Variants in ANTXRL observed in about 807,000 individuals in gnomAD.
ANTXRL encodes anthrax toxin receptor-like.
A neutral mutation model predicts 75.4 loss-of-function variants in ANTXRL; 63 were observed. That is an observed-to-expected ratio of 0.84 (90% confidence interval 0.68 to 1.03). The LOEUF is 1.03. Ranked by LOEUF, ANTXRL falls within the 50% of genes least tolerant of loss-of-function variation. ANTXRL has a pLI of 0.00. For missense variants in ANTXRL, 797 were observed against 789.4 expected, an observed-to-expected ratio of 1.01 and a Z score of -0.12; for synonymous variants, 335 against 291.3, an observed-to-expected ratio of 1.15 and a Z score of -1.53.
intron 7 of ANTXRL, 61 bp from the exon 8 acceptor site, chr10:46,297,770 C>A: frequency 2.8e-6 from 4 of 1,404,022 alleles, no homozygotes; most frequent in Middle Eastern, 1.9e-4. Context: ...TCTCCTGGGC[C>A]GGGGGTCTGC....
rs782283914 is a variant in ANTXRL at position 46,293,833 on chromosome 10, A to G, written c.325A>G (p.Asn109Asp). The change falls in exon 3 of 17, where the codon AAT becomes GAT. Residue 109 changes from asparagine (N) to aspartate (D), a missense_variant. Around this residue, in one of 3 missense-constraint regions of ANTXRL, gnomAD observed 262 missense variants for 271.9 expected, o/e 0.96. Transcript: ENST00000620264. ...CAGCACATGATTCCTTCACAGCCCA[A>G]ATATTCGGATGTGCTTCATCACCTA... ...EETVARFQSP[N>D]IRMCFITYST... The G allele has an allele frequency of 8.5e-6, 13 of 1,535,462 alleles. No homozygotes were observed. Among genetic ancestry groups the G allele is most frequent in the African/African-American group, 6.9e-5 (5 of 72,956 alleles).
At chr10:46,313,029 GT>G (rs2132833491) in intron 15 of ANTXRL, among the ~76,000 whole-genome samples, 1 of 152,278 alleles carries the variant, frequency 6.6e-6, no homozygotes, top group East Asian at 1.9e-4. Flanking sequence ...GCAAAATACT[GT>G]TTTGTTCTAG....
At chr10:46,292,213 T>G in intron 2 of ANTXRL, 84 bp downstream of exon 2, 1 of 1,360,452 alleles carries the variant, frequency 7.4e-7, no homozygotes, top group Non-Finnish European at 1.0e-6. Flanking sequence ...TCCCATCAGA[T>G]GGGGTGGGCG....
intron 16 of ANTXRL, among the ~76,000 whole-genome samples, chr10:46,324,702 C>T (rs1416588659): frequency 6.6e-6 from 1 of 152,104 alleles, no homozygotes; most frequent in African/African-American, 2.4e-5. Context: ...GGAAGAGACC[C>T]ATAAATATTC....
In ANTXRL at chr10:46,297,263, A is replaced by C; in HGVS notation, c.520A>C (p.Ser174Arg). ...TGCTTCTTCTACAGACAAGGTTCCC[A>C]GCATGATTATTGCTATGACTGATGG... is the stretch of plus-strand genomic sequence containing the variant. ...ESFNSGNKVP[S>R]MIIAMTDGEL... The change falls in exon 6 of 17, where the codon AGC becomes CGC. Residue 174 changes from serine (S) to arginine (R), a missense_variant. By Grantham distance (110) the Ser-to-Arg change is moderately radical. Coordinates refer to ENST00000620264, the MANE Select transcript of ANTXRL (RefSeq NM_001278688.3). The C allele has an allele frequency of 6.5e-7, 1 of 1,536,484 alleles. No homozygotes were observed. The highest frequency in any genetic ancestry group is 8.7e-7 in the Non-Finnish European group (1 of 1,146,856).
At chr10:46,307,940 C>T (rs1308086143) in intron 12 of ANTXRL, among the ~76,000 whole-genome samples, 3 of 152,104 alleles carry the variant, frequency 2.0e-5, no homozygotes, top group African/African-American at 7.2e-5. Flanking sequence ...GTAGTATGTC[C>T]CCTCCTGCTG....
intron 5 of ANTXRL, among the ~76,000 whole-genome samples, chr10:46,296,755 G>T (rs1837402979): frequency 6.6e-6 from 1 of 152,142 alleles, no homozygotes; most frequent in Non-Finnish European, 1.5e-5. Context: ...CCCTGCCCAG[G>T]TGCCACTGGC....
intron 5 of ANTXRL, among the ~76,000 whole-genome samples, chr10:46,296,600 C>T (rs1440516282): frequency 3.3e-5 from 5 of 152,166 alleles, no homozygotes; most frequent in South Asian, 2.1e-4. Flanking sequence ...GTCTTCCCTC[C>T]GAGTGACTTG....
At chr10:46,293,555 G>GTGT (rs374100434) in intron 2 of ANTXRL, among the ~76,000 whole-genome samples, 1 of 54,804 alleles carries the variant, frequency 1.8e-5, no homozygotes, top group African/African-American at 7.1e-5. Flanking sequence ...ATATGTGTGT[G>GTGT]AGTGTGTGCC....
chr10:46,293,512 T>G (rs1262168213), intron 2 of ANTXRL, among the ~76,000 whole-genome samples: 1 of 118,074 alleles, frequency 8.5e-6, no homozygotes, highest in Non-Finnish European at 1.9e-5. Flanking sequence ...TGCACCTGTG[T>G]GTGTGTGTGC....
rs1337513173 is a variant in ANTXRL, at chr10:46,311,633, TGC to T, written c.1298_1299del (p.Cys433SerfsTer18). 8.0e-7 allele frequency: 1 copy of T among 1,251,170 alleles called. No individual in the cohort carries two copies. The highest frequency in any genetic ancestry group is 1.1e-6 in the Non-Finnish European group (1 of 886,642). 77.5% of individuals were successfully genotyped at this position (1,251,170 alleles called of 1,614,324 possible). On this transcript the variant is annotated frameshift_variant, in exon 15 of 17. Coordinates refer to ENST00000620264, the MANE Select transcript of ANTXRL (RefSeq NM_001278688.3). LOFTEE classifies it high-confidence loss of function. ...CPTVIICCCGCQGVGGMRRIE... is the reference protein window; with the variant it reads ...CPTVIICCCGXQGVGGMRRIE... ...CACTGTGATTATTTGTTGCTGTGGA[TGC>T]CAAGGAGTGGGCGGGATGAGAAGGA... is the stretch of plus-strand genomic sequence containing the variant.
chr10:46,292,249 G>A, intron 2 of ANTXRL, 120 bp downstream of exon 2: 1 of 917,758 alleles, frequency 1.1e-6, no homozygotes, highest in Non-Finnish European at 1.7e-6. Context: ...GGGGGACACA[G>A]AGCACAAGGT....
chr10:46,292,847 A>C (rs1158860501), intron 2 of ANTXRL: 1 of 152,932 alleles, frequency 6.5e-6, no homozygotes, highest in Non-Finnish European at 1.5e-5. Flanking sequence ...AGCCATGGGG[A>C]GCTCCGCTGG....
chr10:46,319,426 G>C (rs1330217592), intron 16 of ANTXRL, among the ~76,000 whole-genome samples: 1 of 152,164 alleles, frequency 6.6e-6, no homozygotes, highest in African/African-American at 2.4e-5. Flanking sequence ...AGAGGGTTCA[G>C]TGGACCACGG....
chr10:46,318,225 A>G (rs1201768578), intron 16 of ANTXRL, among the ~76,000 whole-genome samples: 1 of 152,044 alleles, frequency 6.6e-6, no homozygotes, highest in Non-Finnish European at 1.5e-5. Context: ...GCAATAAATA[A>G]GTAGAAACAA....
intron 9 of ANTXRL, among the ~76,000 whole-genome samples, chr10:46,300,605 G>A (rs1837667372): frequency 6.6e-6 from 1 of 151,902 alleles, no homozygotes. Context: ...GTGCAGAGGT[G>A]GGACCAGGTG....
At chr10:46,297,701 G>C in intron 7 of ANTXRL, 130 bp from the exon 8 acceptor site, 1 of 932,946 alleles carries the variant, frequency 1.1e-6, no homozygotes, top group South Asian at 1.5e-5. Context: ...GGCTGGAGAA[G>C]TCTGTGACAT....
intron 9 of ANTXRL, among the ~76,000 whole-genome samples, chr10:46,301,581 G>C (rs1414403336): frequency 1.3e-5 from 2 of 152,188 alleles, no homozygotes; most frequent in African/African-American, 4.8e-5. Context: ...GGTTCCCTAG[G>C]TCCCAGCCAG....
At chr10:46,302,565 C>T (rs7081666) in intron 9 of ANTXRL, among the ~76,000 whole-genome samples, 157 bp from the exon 10 acceptor site, 10,331 of 152,064 alleles carry the variant, frequency 0.068, 622 homozygotes, top group African/African-American at 0.17. Flanking sequence ...GAAGATTTGA[C>T]CTAGTGGACA....
Sources: gnomAD v4.1 joint callset for allele counts (sites outside exome capture counted in the v4.1 genomes callset) on GRCh38, gnomAD v4.1.1 for gene constraint, gnomAD v4.1.1 regional missense constraint, MANE v1.5 for transcripts, NCBI Gene and HGNC (gene_info 2026-07-23, HGNC 2026-07-21) for gene names.